Variants in GRM4 observed in about 807,000 individuals in gnomAD.
GRM4 encodes the protein metabotropic glutamate receptor 4.
GRM4 carries 28 observed loss-of-function variants against 81.7 expected under a neutral mutation model. The ratio of observed to expected loss-of-function variants is 0.34; its 90% CI spans 0.25 to 0.47. GRM4 has a LOEUF of 0.47. Ranked by LOEUF, GRM4 falls within the 20% of genes least tolerant of loss-of-function variation. The pLI is 1.00. For synonymous variants in GRM4, 488 were observed against 528.8 expected (o/e 0.92, Z 1.06); for missense variants, 948 against 1,290.0 (o/e 0.73, Z 4.06).
At chr6:34,046,135 C>T (rs896853830) in intron 6 of GRM4, among the ~76,000 whole-genome samples, 1 of 152,208 alleles carries the variant, frequency 6.6e-6, no homozygotes, top group Non-Finnish European at 1.5e-5. Flanking sequence ...AGCACTGGTA[C>T]ACACGTGCGT....
intron 3 of GRM4, among the ~76,000 whole-genome samples, chr6:34,081,969 A>G (rs1767620688): frequency 1.3e-5 from 2 of 152,210 alleles, no homozygotes; most frequent in Non-Finnish European, 2.9e-5. Context: ...GCAGGGCCGC[A>G]GGCTTCACCA....
chr6:34,043,041 G>A (rs768021263), intron 6 of GRM4, among the ~76,000 whole-genome samples: 65 of 152,242 alleles, frequency 4.3e-4, no homozygotes, highest in Non-Finnish European at 4.9e-4. Context: ...CCAGGACCAC[G>A]GGGGTCATCT....
chr6:34,103,553 G>T, intron 2 of GRM4: 1 of 1,503,094 alleles, frequency 6.7e-7, no homozygotes, highest in Non-Finnish European at 9.0e-7. Context: ...TTTCATAGGC[G>T]AAATGTAGAT....
At chr6:34,101,038 G>A (rs528493129) in intron 2 of GRM4, among the ~76,000 whole-genome samples, 10 of 152,248 alleles carry the variant, frequency 6.6e-5, no homozygotes, top group South Asian at 6.2e-4. Flanking sequence ...CACAGGGAGC[G>A]GTAAACATTA....
intron 10 of GRM4, among the ~76,000 whole-genome samples, chr6:34,025,721 C>CA (rs1764100259): frequency 6.6e-6 from 1 of 152,204 alleles, no homozygotes; most frequent in Non-Finnish European, 1.5e-5. Context: ...GTCCTGCCCG[C>CA]AATGCTGTGG....
chr6:34,079,417 T>C (rs919621354), intron 3 of GRM4, among the ~76,000 whole-genome samples: 1 of 152,174 alleles, frequency 6.6e-6, no homozygotes. Context: ...ACACAAGAGA[T>C]TTTTGGAGAC....
chr6:34,101,957 G>A (rs1021170819), intron 2 of GRM4: 91 of 1,490,750 alleles, frequency 6.1e-5, no homozygotes, highest in East Asian at 1.2e-4. Flanking sequence ...TGGCCAGGAC[G>A]TGTGGACCTC....
rs201711792 is a variant in GRM4, at chr6:34,061,937, C to A, written c.828G>T (p.Ser276=). Residue 276 remains serine (S), a synonymous_variant, in exon 4 of 11, where the codon TCG becomes TCT. Transcript: ENST00000538487. ...DKIIRRLLET[S]NARAVIIFAN... is the part of the protein sequence containing the mutation. ...CAAAGATGATGACTGCCCTGGCGTT[C>A]GAAGTCTCCAGGAGGCGGCGGATGA... 6 of 1,613,812 alleles carry A rather than the reference C, an allele frequency of 3.7e-6. No individual in the cohort carries two copies. The highest frequency in any genetic ancestry group is 5.1e-6 in the Non-Finnish European group (6 of 1,179,838).
chr6:34,083,158 G>A (rs1316906032), intron 3 of GRM4, among the ~76,000 whole-genome samples: 1 of 152,166 alleles, frequency 6.6e-6, no homozygotes, highest in Non-Finnish European at 1.5e-5. Context: ...AATGCAGACG[G>A]GAGCATGTCC....
chr6:34,032,949 G>A (rs1379374163), intron 9 of GRM4, among the ~76,000 whole-genome samples: 3 of 152,210 alleles, frequency 2.0e-5, no homozygotes, highest in African/African-American at 7.2e-5. Context: ...TCCCTGAGGA[G>A]GTGTGGGAAG....
intron 2 of GRM4, among the ~76,000 whole-genome samples, chr6:34,128,423 G>C (rs1770109734): frequency 6.8e-6 from 1 of 147,954 alleles, no homozygotes; most frequent in Non-Finnish European, 1.5e-5. Flanking sequence ...TTGTCGCCCA[G>C]GCTGGGATGC....
In GRM4 at chr6:34,036,132, C is replaced by G; in HGVS notation, c.1978G>C (p.Gly660Arg). The change falls in exon 9 of 11, where the codon GGA (glycine) becomes CGA (arginine). Residue 660 changes from glycine (G) to arginine (R), a missense_variant. By Grantham distance (125) the Gly-to-Arg change is moderately radical (BLOSUM62 -2). Transcript: ENST00000538487. The surrounding 1 kb of genome is among the most constrained non-coding windows in gnomAD (Gnocchi z 9.0). Reference protein sequence around the residue: ...GTCSLRRIFLGLGMSISYAAL... With the variant: ...GTCSLRRIFLRLGMSISYAAL... ...GCATAGCTGATGCTCATCCCTAGTC[C>G]CAGGAAGATTCGGCGCAGCGAGCAG... The G allele has an allele frequency of 6.2e-7, 1 of 1,614,196 alleles. No homozygotes were observed. Among genetic ancestry groups the G allele is most frequent in the South Asian group, 1.1e-5 (1 of 91,084 alleles).
At chr6:34,103,614 T>G (rs1768958426) in intron 2 of GRM4, 1 of 1,535,346 alleles carries the variant, frequency 6.5e-7, no homozygotes, top group Non-Finnish European at 8.7e-7. Context: ...TCAGTAACCT[T>G]GTCAACAGTG....
In GRM4 at chr6:34,044,021, A is replaced by C. The variant is rs115358061; in HGVS notation, c.1169-3273T>G. ...AAGTGACCAGACCAGGAGGATGCCCACCACACACATACACACACACACACA... is the reference window on the plus strand; with the variant it reads ...AAGTGACCAGACCAGGAGGATGCCCCCCACACACATACACACACACACACA... On this transcript the variant is annotated intron_variant, in intron 6 of 10. Transcript: ENST00000538487. 3.8e-3 allele frequency among the ~76,000 whole-genome samples: 579 copies of C among 151,908 alleles called. 3 individuals are homozygous for C. Among genetic ancestry groups the C allele is most frequent in the African/African-American group, 0.013 (551 of 41,386 alleles).
Position 34,059,175 on chromosome 6 carries a change from A to G in GRM4, c.873-47T>C. ...CAGCCCAGCCGCGTCTGTCCACGAA[A>G]CTGCCCCCACTCCTGGCCACACTTG... On this transcript the variant is annotated intron_variant, in intron 4 of 10. Coordinates refer to ENST00000538487, the MANE Select transcript of GRM4 (RefSeq NM_000841.4). The surrounding 1 kb of genome is among the most constrained non-coding windows in gnomAD (Gnocchi z 5.7). The G allele has an allele frequency of 6.3e-7, 1 of 1,575,724 alleles. No homozygotes were observed. Among genetic ancestry groups the G allele is most frequent in the Non-Finnish European group, 8.7e-7 (1 of 1,150,360 alleles).
chr6:34,091,760 C>T (rs987398849), intron 3 of GRM4, 123 bp downstream of exon 3: 6 of 710,044 alleles, frequency 8.5e-6, no homozygotes, highest in Non-Finnish European at 1.4e-5. Context: ...CCGAGGCCCA[C>T]CTGGCAACAG....
chr6:34,102,897 C>G (rs537340501), intron 2 of GRM4, among the ~76,000 whole-genome samples: 2 of 152,368 alleles, frequency 1.3e-5, no homozygotes, highest in African/African-American at 4.8e-5. Flanking sequence ...GTCAGCAGCT[C>G]CAATTCTCAC....
chr6:34,151,598 G>A (rs1771047376), intron 1 of GRM4, among the ~76,000 whole-genome samples: 1 of 152,128 alleles, frequency 6.6e-6, no homozygotes. Context: ...GACAGGCACG[G>A]GAGGGGCGCA....
intron 2 of GRM4, among the ~76,000 whole-genome samples, chr6:34,104,392 C>G (rs767266587): frequency 2.6e-5 from 4 of 152,226 alleles, no homozygotes; most frequent in Non-Finnish European, 5.9e-5. Context: ...TGGCTGTTGG[C>G]TAACGAGCAC....
Sources: gnomAD v4.1 joint callset for allele counts (sites outside exome capture counted in the v4.1 genomes callset) on GRCh38, gnomAD v4.1.1 for gene constraint, Gnocchi (gnomAD v3.1) non-coding constraint, MANE v1.5 for transcripts, NCBI Gene and HGNC (gene_info 2026-07-23, HGNC 2026-07-21) for gene names.